The following AP1G1 variants were observed in gnomAD, a reference collection of about 807,000 sequenced individuals.
AP1G1 encodes the protein adaptor related protein complex 1 subunit gamma 1, also known as AP-1 complex subunit gamma-1.
AP1G1 carries 7 observed loss-of-function variants against 108.3 expected under a neutral mutation model. The ratio of observed to expected loss-of-function variants is 0.06; its 90% CI spans 0.04 to 0.12. The LOEUF (loss-of-function observed/expected upper bound fraction) is 0.12, where lower values mean the gene tolerates loss of function less well. Ranked by LOEUF, AP1G1 falls within the 10% of genes least tolerant of loss-of-function variation. The pLI is 1.00. For synonymous variants in AP1G1, 379 were observed against 353.5 expected, an observed-to-expected ratio of 1.07 and a Z score of -0.81; for missense variants, 756 against 1,010.7, an observed-to-expected ratio of 0.75 and a Z score of 3.42.
At chr16:71,766,491 T>C (rs1448255424) in intron 6 of AP1G1, 2 of 454,972 alleles carry the variant, frequency 4.4e-6, no homozygotes, top group Non-Finnish European at 9.1e-6. Context: ...TTTGCCACAA[T>C]AGGAACTTTT....
intron 2 of AP1G1, among the ~76,000 whole-genome samples, chr16:71,781,911 A>G (rs900181118): frequency 2.0e-5 from 3 of 152,190 alleles, no homozygotes; most frequent in Non-Finnish European, 4.4e-5. Flanking sequence ...CTCATTTTGC[A>G]AATATGCACC....
intron 1 of AP1G1, among the ~76,000 whole-genome samples, chr16:71,789,951 AAG>A (rs1567661499): frequency 1.3e-5 from 2 of 152,346 alleles, no homozygotes; most frequent in South Asian, 2.1e-4. Flanking sequence ...ATGAGAGATT[AAG>A]AGAGAAGACC....
At chr16:71,771,121 C>T (rs2145484752) in intron 5 of AP1G1, 35 bp downstream of exon 5, 2 of 1,344,216 alleles carry the variant, frequency 1.5e-6, no homozygotes, top group Non-Finnish European at 2.1e-6. Flanking sequence ...CCCTTTCTCC[C>T]TCAATACTTC....
intron 9 of AP1G1, 27 bp from the exon 10 acceptor site, chr16:71,761,594 T>C (rs1484811190): frequency 6.4e-7 from 1 of 1,557,224 alleles, no homozygotes; most frequent in Non-Finnish European, 8.8e-7. Flanking sequence ...TAGGTCGAAA[T>C]TTAGGAAAAT....
In AP1G1 at chr16:71,741,585, A is replaced by G. The variant is rs368124136; in HGVS notation, c.2000-2244T>C. On this transcript the variant is annotated intron_variant, in intron 19 of 22. Transcript: ENST00000299980. Reference sequence around the variant, plus strand: ...GTGACAGAGCAAGACACCATCTCAAAAACAAAAACAAGTAAATGACATATT... The same window carrying G: ...GTGACAGAGCAAGACACCATCTCAAGAACAAAAACAAGTAAATGACATATT... Among the ~76,000 whole-genome samples, 12 of 152,364 alleles carry G rather than the reference A, an allele frequency of 7.9e-5. No individual in the cohort carries two copies. In the East Asian group the frequency reaches 2.3e-3, roughly 29 times the overall value.
intron 1 of AP1G1, among the ~76,000 whole-genome samples, chr16:71,794,835 C>CTTTTTTTTTTT (rs55761928): frequency 0.011 from 436 of 39,660 alleles, 62 homozygotes; most frequent in African/African-American, 0.015. Flanking sequence ...ATGAGAAGTG[C>CTTTTTTTTTTT]TTTTTTTTTT....
At chr16:71,780,057 G>A (rs572569537) in intron 2 of AP1G1, among the ~76,000 whole-genome samples, 3 of 147,392 alleles carry the variant, frequency 2.0e-5, no homozygotes, top group Admixed American at 6.8e-5. Flanking sequence ...GCAGTGGTGC[G>A]ATCTCGGCTC....
At chr16:71,771,474 C>T (rs1053197542) in intron 4 of AP1G1, among the ~76,000 whole-genome samples, 1 of 151,992 alleles carries the variant, frequency 6.6e-6, no homozygotes, top group African/African-American at 2.4e-5. Context: ...TCACTTGAGC[C>T]CAGGAGTTTG....
intron 19 of AP1G1, chr16:71,742,694 G>C (rs984930671): frequency 1.3e-5 from 2 of 152,220 alleles, no homozygotes; most frequent in African/African-American, 4.8e-5. Context: ...TACTGGCTGG[G>C]TGCGGTGACT....
intron 15 of AP1G1, 70 bp downstream of exon 15, chr16:71,749,824 C>G: frequency 7.7e-7 from 1 of 1,293,908 alleles, no homozygotes; most frequent in Non-Finnish European, 1.1e-6. Context: ...CTCAACTCCC[C>G]ATTAAACACT....
At chr16:71,756,284 G>C in intron 11 of AP1G1, 125 bp from the exon 12 acceptor site, 2 of 743,302 alleles carry the variant, frequency 2.7e-6, no homozygotes, top group Non-Finnish European at 4.1e-6. Context: ...ACGATCTTGT[G>C]ATCCCAATCT....
In AP1G1 at chr16:71,738,860, C is replaced by T. The variant is rs778151169; in HGVS notation, c.2268+82G>A. 31 of 1,272,486 alleles carry T rather than the reference C, an allele frequency of 2.4e-5. No individual in the cohort carries two copies. In the Admixed American group the frequency reaches 2.7e-4, roughly 11 times the overall value. The allele number at this position is 1,272,486 out of a possible 1,614,324, so 78.8% of individuals were successfully genotyped here. On this transcript the variant is annotated intron_variant, in intron 21 of 22. Transcript: ENST00000299980. ...CAAATTTAATCTGTAAACATTAAAACATATCCTTTACCAAACACATGAAAA... is the reference window on the plus strand; with the variant it reads ...CAAATTTAATCTGTAAACATTAAAATATATCCTTTACCAAACACATGAAAA...
At chr16:71,790,835 CA>C (rs2032371552) in intron 1 of AP1G1, among the ~76,000 whole-genome samples, 1 of 152,178 alleles carries the variant, frequency 6.6e-6, no homozygotes, top group Non-Finnish European at 1.5e-5. Flanking sequence ...AGAGAGACTT[CA>C]CACACAACCA....
Position 71,745,288 on chromosome 16 carries a change from ACCT to A in AP1G1, c.1873-21_1873-19del. On this transcript the variant is annotated intron_variant, in intron 18 of 22. Coordinates refer to ENST00000299980, the MANE Select transcript of AP1G1 (RefSeq NM_001128.6). The stretch of plus-strand genomic sequence containing the variant: ...TCATTGGCCTAAACAAGGTAACAAC[ACCT>A]CAATTCATTATTATTTGATTTGTCT... 6.2e-7 allele frequency: 1 copy of A among 1,613,628 alleles called. No homozygotes were observed. The highest frequency in any genetic ancestry group is 8.5e-7 in the Non-Finnish European group (1 of 1,179,852).
intron 2 of AP1G1, among the ~76,000 whole-genome samples, chr16:71,783,562 G>A (rs1007741946): frequency 2.0e-5 from 3 of 151,970 alleles, no homozygotes; most frequent in African/African-American, 7.2e-5. Context: ...TTTTTAAAAA[G>A]ATGTATAAGA....
intron 11 of AP1G1, among the ~76,000 whole-genome samples, chr16:71,757,647 GA>G (rs2030870385): frequency 6.6e-6 from 1 of 152,198 alleles, no homozygotes; most frequent in African/African-American, 2.4e-5. Context: ...TTGAGGCACT[GA>G]AAGTTTAAGT....
chr16:71,746,939 G>C, intron 16 of AP1G1: 1 of 314,996 alleles, frequency 3.2e-6, no homozygotes, highest in East Asian at 6.4e-5. Context: ...CAGCAACAAT[G>C]ATGGTGTGGA....
rs751106439 is a variant in AP1G1, at chr16:71,746,665, G to A, written c.1653C>T (p.Tyr551=). The part of the protein sequence containing the change: ...VNRIKKVVSI[Y]GSSIDVELQQ... ...GGAGTTCCACATCAATGCTGCTTCC[G>A]TAGATGGAAACCACTTTCTTAATTC... The change falls in exon 17 of 23, where the codon TAC becomes TAT. Residue 551 remains tyrosine (Y), a synonymous_variant. Coordinates refer to ENST00000299980, the MANE Select transcript of AP1G1 (RefSeq NM_001128.6). The A allele has an allele frequency of 1.7e-5, 27 of 1,612,052 alleles. No homozygotes were observed. The highest frequency in any genetic ancestry group is 8.3e-5 in the Admixed American group (5 of 59,882).
chr16:71,808,136 C>T (rs898158017), intron 1 of AP1G1: 5 of 1,150,766 alleles, frequency 4.3e-6, no homozygotes, highest in Non-Finnish European at 5.4e-6. Context: ...ACGCTGACGT[C>T]CGCAGGGCCA....
Sources: allele counts gnomAD v4.1 joint callset (sites outside exome capture counted in the v4.1 genomes callset), GRCh38; gene constraint gnomAD v4.1.1; transcripts MANE v1.5; gene names NCBI Gene and HGNC (gene_info 2026-07-23, HGNC 2026-07-21).